The following GORASP2 variants were observed in gnomAD, a reference collection of about 807,000 sequenced individuals.
GORASP2 encodes the protein Golgi reassembly-stacking protein 2.
A neutral mutation model predicts 45.7 loss-of-function variants in GORASP2; 22 were observed. That is an observed-to-expected ratio of 0.48 (90% CI 0.34 to 0.69). The LOEUF is 0.69. Ranked by LOEUF, GORASP2 falls within the 30% of genes least tolerant of loss-of-function variation. GORASP2 has a pLI of 0.01. For missense variants in GORASP2, 491 were observed against 562.7 expected (o/e 0.87, Z 1.29); for synonymous variants, 221 against 215.6 (o/e 1.02, Z -0.22).
At chr2:170,943,063 CTTTATCAATTTATTTTAG>C (rs1159525797) in intron 1 of GORASP2, among the ~76,000 whole-genome samples, 2 of 152,168 alleles carry the variant, frequency 1.3e-5, no homozygotes, top group Non-Finnish European at 2.9e-5. Context: ...GTGTAGTTCA[CTTTATCAATTTATTTTAG>C]TTTATGGTTA....
At chr2:170,964,092 G>A (rs1386742807) in intron 9 of GORASP2, among the ~76,000 whole-genome samples, 1 of 152,248 alleles carries the variant, frequency 6.6e-6, no homozygotes, top group Non-Finnish European at 1.5e-5. Flanking sequence ...TCTGCACTCA[G>A]ATTTTCTGTC....
Position 170,966,155 on chromosome 2 carries a change from CGTG to C in GORASP2, c.*28_*30del, listed in dbSNP as rs759371437. On this transcript the variant is annotated 3_prime_UTR_variant, in exon 10 of 10. Transcript: ENST00000234160. Reference sequence around the variant, plus strand: ...ACTTTGAACCATTCTTTGGAATTGGCGTGGTATATTTAACCACGGGAGCGTGTC... The same window carrying C: ...ACTTTGAACCATTCTTTGGAATTGGCGTATATTTAACCACGGGAGCGTGTC... 4 of 1,539,848 alleles carry C rather than the reference CGTG, an allele frequency of 2.6e-6. No homozygotes were observed. The highest frequency in any genetic ancestry group is 3.6e-6 in the Non-Finnish European group (4 of 1,112,668).
chr2:170,965,791 T>C lies in GORASP2; in HGVS notation c.1020T>C (p.Gly340=). ...GVGLPELVNP[G]LPPLPSMPPR... is the part of the protein sequence containing the mutation. ...TGATCTATGCCGTTTTTGTCCTAGG[T>C]CTGCCACCTCTTCCTTCCATGCCTC... Residue 340 remains glycine, a splice_region_variant and synonymous_variant, in exon 10 of 10, where the codon GGT becomes GGC. Coordinates refer to ENST00000234160, the MANE Select transcript of GORASP2 (RefSeq NM_015530.5). The C allele has an allele frequency of 6.2e-7, 1 of 1,611,964 alleles. No homozygotes were observed. The highest frequency in any genetic ancestry group is 8.5e-7 in the Non-Finnish European group (1 of 1,178,096).
intron 9 of GORASP2, among the ~76,000 whole-genome samples, chr2:170,963,706 G>A (rs1262998302): frequency 3.9e-5 from 6 of 152,034 alleles, no homozygotes; most frequent in East Asian, 1.9e-4. Context: ...CAGTGGCACC[G>A]ATCTTGGCTC....
intron 1 of GORASP2, among the ~76,000 whole-genome samples, chr2:170,937,339 G>A (rs986781955): frequency 6.6e-6 from 1 of 152,142 alleles, no homozygotes; most frequent in South Asian, 2.1e-4. Flanking sequence ...CTTCCAAGTA[G>A]TTGGGACTAC....
intron 9 of GORASP2, among the ~76,000 whole-genome samples, chr2:170,963,188 C>T (rs571416772): frequency 6.6e-6 from 1 of 152,094 alleles, no homozygotes; most frequent in African/African-American, 2.4e-5. Flanking sequence ...GCCTGGCCAA[C>T]ATGGCAAAAC....
At chr2:170,952,156 TAGA>T (rs775085460) in intron 5 of GORASP2, among the ~76,000 whole-genome samples, 27 of 152,348 alleles carry the variant, frequency 1.8e-4, no homozygotes, top group Middle Eastern at 3.4e-3. Flanking sequence ...CCTCTCTAGT[TAGA>T]AGAATACTCA....
chr2:170,955,589 A>G (rs1418314929), intron 6 of GORASP2, among the ~76,000 whole-genome samples: 1 of 152,226 alleles, frequency 6.6e-6, no homozygotes, highest in Admixed American at 6.5e-5. Context: ...GGTTTTGTCT[A>G]CACAGTTTGG....
intron 3 of GORASP2, 93 bp downstream of exon 3, chr2:170,949,835 AGG>A: frequency 5.3e-6 from 6 of 1,129,948 alleles, no homozygotes; most frequent in Non-Finnish European, 8.0e-6. Context: ...TAAGATTGTA[AGG>A]ATATTATTAA....
intron 1 of GORASP2, among the ~76,000 whole-genome samples, chr2:170,935,925 T>C (rs1024966527): frequency 6.6e-6 from 1 of 152,198 alleles, no homozygotes; most frequent in African/African-American, 2.4e-5. Context: ...ATGCCTGCGC[T>C]ATCATCCTCA....
intron 2 of GORASP2, 179 bp downstream of exon 2, chr2:170,948,609 C>T: frequency 2.2e-6 from 1 of 451,338 alleles, no homozygotes; most frequent in Non-Finnish European, 3.8e-6. Flanking sequence ...ACCTTATGCT[C>T]CACTGATTAT....
At chr2:170,940,985 A>T (rs1007742768) in intron 1 of GORASP2, among the ~76,000 whole-genome samples, 5 of 152,130 alleles carry the variant, frequency 3.3e-5, no homozygotes, top group Non-Finnish European at 7.4e-5. Context: ...ATTGATGCAA[A>T]TTTCTTTTTA....
intron 1 of GORASP2, among the ~76,000 whole-genome samples, chr2:170,934,105 C>G (rs1257102676): frequency 2.0e-5 from 3 of 152,002 alleles, no homozygotes; most frequent in Admixed American, 2.0e-4. Context: ...TTAAATGGTG[C>G]CTAACTAACC....
chr2:170,946,447 A>C (rs1704183854), intron 1 of GORASP2, among the ~76,000 whole-genome samples: 1 of 152,196 alleles, frequency 6.6e-6, no homozygotes, highest in Non-Finnish European at 1.5e-5. Context: ...TTACTACTGT[A>C]AATTTTGAAA....
At position 170,953,313 on chromosome 2, in the gene GORASP2, GC is replaced by G. The variant is rs563418838; in HGVS notation, c.567-1335del. Among the ~76,000 whole-genome samples the G allele has an allele frequency of 1.2e-4, 19 of 152,166 alleles. No homozygotes were observed. In the East Asian group the frequency reaches 2.7e-3, roughly 22 times the overall value. ...AGAGGTCGCAGTGAGCCAAGATCATGCCACTGTGCTACAGCCTGGGCAACAG... is the reference window on the plus strand; with the variant it reads ...AGAGGTCGCAGTGAGCCAAGATCATGCACTGTGCTACAGCCTGGGCAACAG... On this transcript the variant is annotated intron_variant, in intron 5 of 9. Coordinates refer to ENST00000234160, the MANE Select transcript of GORASP2 (RefSeq NM_015530.5).
chr2:170,961,428 G>A (rs1704557344), intron 7 of GORASP2, among the ~76,000 whole-genome samples: 1 of 152,196 alleles, frequency 6.6e-6, no homozygotes, highest in Admixed American at 6.5e-5. Context: ...GGGTGGGACT[G>A]CACGGCCTCT....
intron 8 of GORASP2, among the ~76,000 whole-genome samples, chr2:170,962,413 T>C (rs1044104115): frequency 1.3e-5 from 2 of 152,210 alleles, no homozygotes; most frequent in Non-Finnish European, 2.9e-5. Flanking sequence ...TTTACTACTT[T>C]TGCAACTGTA....
At position 170,965,901 on chromosome 2, in the gene GORASP2, C is replaced by T. The variant is rs1704675578; in HGVS notation, c.1130C>T (p.Ala377Val). ...SFPLVPESSSAASSGELLSSL... is the reference protein window; with the variant it reads ...SFPLVPESSSVASSGELLSSL... ...CCCTTGGTTCCAGAGAGCTCTTCTG[C>T]AGCAAGCTCAGGAGAGCTGCTGTCT... Residue 377 changes from alanine to valine, a missense_variant, in exon 10 of 10, where the codon GCA (alanine) becomes GTA (valine). Physicochemically the swap from Ala to Val is moderately conservative, Grantham distance 64 (BLOSUM62 0). Transcript: ENST00000234160. 6.2e-7 allele frequency: 1 copy of T among 1,613,650 alleles called. No individual in the cohort carries two copies. The highest frequency in any genetic ancestry group is 1.7e-5 in the Admixed American group (1 of 60,020).
At chr2:170,962,464 A>G (rs1449809947) in intron 8 of GORASP2, among the ~76,000 whole-genome samples, 1 of 152,262 alleles carries the variant, frequency 6.6e-6, no homozygotes, top group Non-Finnish European at 1.5e-5. Context: ...TTTAAAAGTC[A>G]TAGAGACTGT....
Sources: allele counts gnomAD v4.1 joint callset (sites outside exome capture counted in the v4.1 genomes callset), GRCh38; gene constraint gnomAD v4.1.1; transcripts MANE v1.5; gene names NCBI Gene and HGNC (gene_info 2026-07-23, HGNC 2026-07-21).